DHX32: variants seen among roughly 807,000 people sequenced by gnomAD.
The protein encoded by DHX32 is putative pre-mRNA-splicing factor ATP-dependent RNA helicase DHX32.
In DHX32, 51 loss-of-function variants were observed where a neutral mutation model predicts 70.0. That is an observed-to-expected ratio of 0.73 (90% CI 0.58 to 0.92). The LOEUF is 0.92. Ranked by LOEUF, DHX32 falls within the 40% of genes least tolerant of loss-of-function variation. The probability of loss-of-function intolerance (pLI) is 0.00; values close to 1 mark genes in which losing one functional copy is unlikely to be tolerated. For missense variants in DHX32, 762 were observed against 891.8 expected (o/e 0.85, Z 1.85); for synonymous variants, 310 against 315.3 (o/e 0.98, Z 0.18).
At chr10:125,852,932 T>G (rs188682116) in intron 4 of DHX32, among the ~76,000 whole-genome samples, 84 of 152,336 alleles carry the variant, frequency 5.5e-4, no homozygotes, top group African/African-American at 1.8e-3. Flanking sequence ...AGCACTGTAC[T>G]GGTGAATGAT....
chr10:125,890,106 G>A (rs147788462), intron 1 of DHX32, among the ~76,000 whole-genome samples: 4,040 of 132,728 alleles, frequency 0.03, no homozygotes, highest in African/African-American at 0.17. Flanking sequence ...ATCACTGGGG[G>A]TTGAAGAAAT....
chr10:125,887,543 A>G (rs111624726), intron 1 of DHX32, among the ~76,000 whole-genome samples: 8 of 152,118 alleles, frequency 5.3e-5, no homozygotes, highest in African/African-American at 1.9e-4. Context: ...TCTTGATCCA[A>G]ATTTCATTTT....
At chr10:125,853,027 A>G in intron 4 of DHX32, 1 of 855,662 alleles carries the variant, frequency 1.2e-6, no homozygotes, top group Non-Finnish European at 1.8e-6. Context: ...ATCAACCAGG[A>G]TCTTGGTGGT....
rs374094237 is a variant in DHX32 at position 125,852,327 on chromosome 10, C to T, written c.1317G>A (p.Ala439=). 29 of 1,614,006 alleles carry T rather than the reference C, an allele frequency of 1.8e-5. No homozygotes were observed. The highest frequency in any genetic ancestry group is 6.6e-5 in the South Asian group (6 of 91,082). Residue 439 remains alanine, a synonymous_variant, in exon 6 of 11, where the codon GCG becomes GCA. Coordinates refer to ENST00000284690, the MANE Select transcript of DHX32 (RefSeq NM_018180.3). ...MVLFMKRIDI[A]GLGHCDFMNR... ...TCATGAAGTCACAGTGGCCTAGGCC[C>T]GCAATGTCTATCCTCTTCATAAAAA...
intron 3 of DHX32, among the ~76,000 whole-genome samples, chr10:125,858,546 T>C (rs892059999): frequency 9.9e-5 from 15 of 152,232 alleles, no homozygotes; most frequent in Non-Finnish European, 2.2e-4. Flanking sequence ...GCTGTCATCC[T>C]TTATGCTTTG....
chr10:125,873,990 C>T (rs1944270098), intron 1 of DHX32, among the ~76,000 whole-genome samples: 1 of 152,136 alleles, frequency 6.6e-6, no homozygotes, highest in Non-Finnish European at 1.5e-5. Context: ...AATTTCAGGA[C>T]AAAAACTAGA....
intron 1 of DHX32, among the ~76,000 whole-genome samples, chr10:125,873,552 G>A (rs1401929254): frequency 6.6e-6 from 1 of 152,084 alleles, no homozygotes; most frequent in African/African-American, 2.4e-5. Context: ...CAAGTTTAAA[G>A]GAATCTAAAG....
At chr10:125,845,138 A>C (rs1316765214) in intron 6 of DHX32, among the ~76,000 whole-genome samples, 2 of 152,180 alleles carry the variant, frequency 1.3e-5, no homozygotes, top group Non-Finnish European at 1.5e-5. Context: ...GTGGAGTCCA[A>C]GGCCACGGCA....
intron 10 of DHX32, 61 bp from the exon 11 acceptor site, chr10:125,836,916 CATT>C: frequency 6.8e-7 from 1 of 1,481,266 alleles, no homozygotes; most frequent in Non-Finnish European, 9.3e-7. Context: ...AGACACCAAA[CATT>C]ATGTCTGGGC....
intron 1 of DHX32, among the ~76,000 whole-genome samples, chr10:125,879,067 A>G (rs1389670959): frequency 1.6e-4 from 19 of 116,140 alleles, no homozygotes; most frequent in Non-Finnish European, 2.7e-4. Flanking sequence ...TCTGTTGCCC[A>G]GGCTGAAGTA....
In DHX32 at chr10:125,867,139, C is replaced by G. The variant is rs1207078811; in HGVS notation, c.327G>C (p.Gln109His). The G allele has an allele frequency of 6.2e-7, 1 of 1,613,998 alleles. No individual in the cohort carries two copies. Among genetic ancestry groups the G allele is most frequent in the East Asian group, 2.2e-5 (1 of 44,886 alleles). The part of the protein sequence containing the change: ...CAEYCLSIHY[Q>H]HGGVICTQVH... ...CCTGTGTGCATATCACGCCCCCGTG[C>G]TGGTAGTGGATGGAAAGACAATATT... Residue 109 changes from glutamine to histidine, a missense_variant, in exon 2 of 11, where the codon CAG becomes CAC. Around this residue, in one of 3 missense-constraint regions of DHX32, gnomAD observed 394 missense variants for 473.1 expected, o/e 0.83. Transcript: ENST00000284690.
At chr10:125,836,885 A>G in intron 10 of DHX32, 30 bp from the exon 11 acceptor site, 2 of 1,604,004 alleles carry the variant, frequency 1.2e-6, no homozygotes, top group Non-Finnish European at 1.7e-6. Context: ...AGATGAGATT[A>G]TGAGTGGGGA....
rs180968976 is a variant in DHX32 at position 125,879,825 on chromosome 10, G to A, written c.282+718C>T. ...CAGCACCATGCCCGGCTACTTCTTT[G>A]TAGAGACGGCATTTTGCCATGTTGC... On this transcript the variant is annotated intron_variant, in intron 1 of 10. Transcript: ENST00000284690. Among the ~76,000 whole-genome samples the A allele has an allele frequency of 4.6e-3, 703 of 152,098 alleles. 2 individuals are homozygous for A. The highest frequency in any genetic ancestry group is 0.016 in the African/African-American group (659 of 41,468).
rs1564820937 is a variant in DHX32, at chr10:125,836,602, C to T, written c.*85G>A. 6.7e-7 allele frequency: 1 copy of T among 1,499,022 alleles called. No individual in the cohort carries two copies. The highest frequency in any genetic ancestry group is 9.0e-7 in the Non-Finnish European group (1 of 1,111,796). The allele number at this position is 1,499,022 out of a possible 1,614,324, so 92.9% of individuals were successfully genotyped here. A position where few individuals can be genotyped will look rare whatever the true frequency, so the allele number is the denominator to read the frequency against. The stretch of plus-strand genomic sequence containing the variant: ...ACCGTCCTGTGGATGTGAAATCCGT[C>T]TTCGCGTCATGTATCTCCCATATCC... On this transcript the variant is annotated 3_prime_UTR_variant, in exon 11 of 11. Transcript: ENST00000284690.
intron 1 of DHX32, among the ~76,000 whole-genome samples, chr10:125,870,664 C>T (rs1944250485): frequency 6.6e-6 from 1 of 151,898 alleles, no homozygotes; most frequent in Non-Finnish European, 1.5e-5. Context: ...TGACGAAACC[C>T]CATCTCTATT....
At chr10:125,893,407 C>T (rs1283690358) in intron 1 of DHX32, among the ~76,000 whole-genome samples, 2 of 152,144 alleles carry the variant, frequency 1.3e-5, no homozygotes, top group Non-Finnish European at 2.9e-5. Flanking sequence ...CCATGCCCGG[C>T]TAATTTTTTG....
At chr10:125,869,323 C>T (rs1271333613) in intron 1 of DHX32, 1 of 152,120 alleles carries the variant, frequency 6.6e-6, no homozygotes, top group Non-Finnish European at 1.5e-5. Context: ...TGCCTGTAAT[C>T]CTAGCAATTT....
chr10:125,873,513 T>A (rs1944267758), intron 1 of DHX32, among the ~76,000 whole-genome samples: 1 of 152,254 alleles, frequency 6.6e-6, no homozygotes, highest in Non-Finnish European at 1.5e-5. Flanking sequence ...TCACTCCCTT[T>A]AATTTCAGTA....
intron 3 of DHX32, among the ~76,000 whole-genome samples, chr10:125,856,967 T>C (rs1432210901): frequency 2.6e-5 from 4 of 152,192 alleles, no homozygotes; most frequent in Non-Finnish European, 5.9e-5. Flanking sequence ...AGTAAATAAA[T>C]ACAAATTTTA....
Sources: gnomAD v4.1 joint callset for allele counts (sites outside exome capture counted in the v4.1 genomes callset) on GRCh38, gnomAD v4.1.1 for gene constraint, gnomAD v4.1.1 regional missense constraint, MANE v1.5 for transcripts, NCBI Gene and HGNC (gene_info 2026-07-23, HGNC 2026-07-21) for gene names.